Variants in PLA2G6 observed in about 807,000 individuals in gnomAD.
PLA2G6 encodes phospholipase A2 group VI.
PLA2G6 carries 62 observed loss-of-function variants against 83.8 expected under a neutral mutation model. The ratio of observed to expected loss-of-function variants is 0.74; its 90% CI spans 0.60 to 0.91. PLA2G6 has a LOEUF of 0.91. Among genes scored for constraint, PLA2G6 ranks in the 40% least tolerant of loss-of-function variants. The probability of loss-of-function intolerance (pLI) is 0.00; values close to 1 mark genes in which losing one functional copy is unlikely to be tolerated. For synonymous variants in PLA2G6, 417 were observed against 449.8 expected (o/e 0.93, Z 0.92); for missense variants, 944 against 1,102.0 (o/e 0.86, Z 2.03).
Position 38,111,732 on chromosome 22 carries a change from G to A in PLA2G6, c.*429C>T, listed in dbSNP as rs1402822259. 3.5e-6 allele frequency: 1 copy of A among 289,492 alleles called. No homozygotes were observed. Among genetic ancestry groups the A allele is most frequent in the South Asian group, 3.3e-5 (1 of 30,710 alleles). 17.9% of individuals were successfully genotyped at this position (289,492 alleles called of 1,614,324 possible). Reference sequence around the variant, plus strand: ...TTAGTCCCAGCCCCCAGGGAACGGAGCAGAGGGCAGAGGGAGTGGGCTGCA... The same window carrying A: ...TTAGTCCCAGCCCCCAGGGAACGGAACAGAGGGCAGAGGGAGTGGGCTGCA... On this transcript the variant is annotated 3_prime_UTR_variant, in exon 17 of 17. Transcript: ENST00000332509.
At chr22:38,112,381 G>A (rs2086919180) in intron 16 of PLA2G6, 76 bp from the exon 17 acceptor site, 1 of 1,562,082 alleles carries the variant, frequency 6.4e-7, no homozygotes, top group Non-Finnish European at 8.7e-7. Context: ...GACCAGGGTG[G>A]GCTTGGGGAA....
At chr22:38,112,676 G>C in intron 15 of PLA2G6, 99 bp from the exon 16 acceptor site, 1 of 1,026,294 alleles carries the variant, frequency 9.7e-7, no homozygotes, top group South Asian at 1.4e-5. Flanking sequence ...AGCCTGGGGA[G>C]CCCCAGGCTC....
chr22:38,168,824 T>C (rs11570610), intron 2 of PLA2G6, among the ~76,000 whole-genome samples: 44 of 152,276 alleles, frequency 2.9e-4, no homozygotes, highest in East Asian at 9.7e-4. Flanking sequence ...CACTCCAGCC[T>C]GGGCAACAGA....
chr22:38,139,804 G>C, intron 5 of PLA2G6, 178 bp downstream of exon 5: 2 of 609,342 alleles, frequency 3.3e-6, no homozygotes, highest in Non-Finnish European at 2.9e-6. Context: ...ATGATACAAT[G>C]ATGGAGCACC....
At chr22:38,130,154 T>C (rs966153412) in intron 7 of PLA2G6, 1 of 189,324 alleles carries the variant, frequency 5.3e-6, no homozygotes, top group Non-Finnish European at 1.1e-5. Context: ...GCTCTGGCCT[T>C]GTCACCTTCC....
At chr22:38,135,252 T>G (rs1335257511) in intron 5 of PLA2G6, 168 bp from the exon 6 acceptor site, 2 of 626,088 alleles carry the variant, frequency 3.2e-6, no homozygotes, top group Non-Finnish European at 5.8e-6. Flanking sequence ...ACTGAGCCCC[T>G]CAAGGCACAA....
intron 1 of PLA2G6, among the ~76,000 whole-genome samples, chr22:38,174,769 G>C (rs558244803): frequency 6.6e-6 from 1 of 152,160 alleles, no homozygotes; most frequent in Non-Finnish European, 1.5e-5. Context: ...TGGACGGCTC[G>C]AGAGGGGAAG....
chr22:38,131,786 T>C (rs923773798), intron 7 of PLA2G6: 2 of 252,306 alleles, frequency 7.9e-6, no homozygotes, highest in South Asian at 4.0e-5. Flanking sequence ...CATACGGTAT[T>C]GCTATAGAAA....
intron 1 of PLA2G6, among the ~76,000 whole-genome samples, chr22:38,181,436 G>C (rs2090843120): frequency 6.6e-6 from 1 of 152,086 alleles, no homozygotes; most frequent in Non-Finnish European, 1.5e-5. Flanking sequence ...GAGGGTCGGG[G>C]AAAGAGAAGA....
At chr22:38,142,809 G>A in intron 4 of PLA2G6, 1 of 445,674 alleles carries the variant, frequency 2.2e-6, no homozygotes. Flanking sequence ...TTGTGCTCAG[G>A]AAAAGTGGAA....
At chr22:38,115,917 T>G (rs977648892) in intron 13 of PLA2G6, 158 bp downstream of exon 13, 19 of 1,441,740 alleles carry the variant, frequency 1.3e-5, no homozygotes, top group Non-Finnish European at 1.8e-5. Context: ...GCCTGACAGC[T>G]CCCCCGCAAT....
intron 10 of PLA2G6, among the ~76,000 whole-genome samples, chr22:38,125,178 GTA>G (rs1431307933): frequency 6.6e-6 from 1 of 151,904 alleles, no homozygotes; most frequent in African/African-American, 2.4e-5. Flanking sequence ...GCATGCATGT[GTA>G]TGTGTGCGCA....
At chr22:38,118,668 A>G (rs1019182634) in intron 12 of PLA2G6, among the ~76,000 whole-genome samples, 1 of 150,338 alleles carries the variant, frequency 6.7e-6, no homozygotes, top group African/African-American at 2.5e-5. Context: ...TGTTTTATTT[A>G]TTTATTTGGA....
At chr22:38,162,160 G>C (rs1293771446) in intron 2 of PLA2G6, among the ~76,000 whole-genome samples, 2 of 144,438 alleles carry the variant, frequency 1.4e-5, no homozygotes, top group African/African-American at 5.1e-5. Flanking sequence ...AGTGAGCTGA[G>C]AGTGTGCCAC....
chr22:38,142,834 T>C, intron 4 of PLA2G6: 1 of 496,940 alleles, frequency 2.0e-6, no homozygotes. Context: ...ACTAACTGAC[T>C]GGAGCTGGGC....
chr22:38,120,700 C>A, intron 12 of PLA2G6, 59 bp downstream of exon 12: 1 of 1,601,346 alleles, frequency 6.2e-7, no homozygotes, highest in South Asian at 1.1e-5. Context: ...CCCTCTGTCC[C>A]CAGGGAACAG....
intron 12 of PLA2G6, among the ~76,000 whole-genome samples, chr22:38,118,322 G>A (rs1322616476): frequency 2.6e-5 from 4 of 152,182 alleles, no homozygotes; most frequent in Non-Finnish European, 4.4e-5. Context: ...ATTGATTAAA[G>A]CTTAGCTGTT....
chr22:38,168,609 G>A (rs2090313293), intron 2 of PLA2G6, among the ~76,000 whole-genome samples: 1 of 152,216 alleles, frequency 6.6e-6, no homozygotes, highest in Admixed American at 6.5e-5. Flanking sequence ...CAGCACTTTG[G>A]GAGGCCAAGG....
Position 38,128,558 on chromosome 22 carries a change from T to A in PLA2G6, c.1187-128A>T. Reference sequence around the variant, plus strand: ...CCCAGGCCCTGGGCACGTGGGCTGCTCCAGAGGCCTCAGCCCACCCTGACA... The same window carrying A: ...CCCAGGCCCTGGGCACGTGGGCTGCACCAGAGGCCTCAGCCCACCCTGACA... On this transcript the variant is annotated intron_variant, in intron 8 of 16. Coordinates refer to ENST00000332509, the MANE Select transcript of PLA2G6 (RefSeq NM_003560.4). This position sits in a 1 kb window ranked among gnomAD's most constrained non-coding sequence, Gnocchi z 4.4. 1 of 970,300 alleles carries A rather than the reference T, an allele frequency of 1.0e-6. No homozygotes were observed. The highest frequency in any genetic ancestry group is 1.6e-6 in the Non-Finnish European group (1 of 640,536). The allele number at this position is 970,300 out of a possible 1,614,324, so 60.1% of individuals were successfully genotyped here.
Sources: gnomAD v4.1 joint callset for allele counts (sites outside exome capture counted in the v4.1 genomes callset) on GRCh38, gnomAD v4.1.1 for gene constraint, Gnocchi (gnomAD v3.1) non-coding constraint, MANE v1.5 for transcripts, NCBI Gene and HGNC (gene_info 2026-07-23, HGNC 2026-07-21) for gene names.